ELOVL7: variants seen among roughly 807,000 people sequenced by gnomAD.
The protein encoded by ELOVL7 is very long chain fatty acid elongase 7.
A neutral mutation model predicts 35.7 loss-of-function variants in ELOVL7; 27 were observed. The observed-to-expected ratio is 0.76, with a 90% CI of 0.56 to 1.04. The LOEUF is 1.04. ELOVL7 is among the 50% of genes least tolerant of loss of function. The pLI, the probability that ELOVL7 is intolerant of heterozygous loss-of-function variation, is 0.00. For synonymous variants in ELOVL7, 113 were observed against 114.6 expected (o/e 0.99, Z 0.09); for missense variants, 327 against 340.8 (o/e 0.96, Z 0.32).
At chr5:60,762,899 T>C (rs1186916365) in intron 7 of ELOVL7, among the ~76,000 whole-genome samples, 1 of 152,142 alleles carries the variant, frequency 6.6e-6, no homozygotes, top group Non-Finnish European at 1.5e-5. Context: ...TGTTTAGGTA[T>C]TTTCCAGTTT....
intron 1 of ELOVL7, among the ~76,000 whole-genome samples, chr5:60,816,329 C>T (rs1245213869): frequency 6.6e-6 from 1 of 151,112 alleles, no homozygotes; most frequent in Non-Finnish European, 1.5e-5. Flanking sequence ...TGCAGTGAGC[C>T]GAGATTGCAT....
intron 2 of ELOVL7, among the ~76,000 whole-genome samples, chr5:60,796,227 G>T (rs555595604): frequency 6.6e-6 from 1 of 152,064 alleles, no homozygotes; most frequent in Non-Finnish European, 1.5e-5. Flanking sequence ...CCCCACTCTC[G>T]TCCCCATCCT....
At chr5:60,824,340 G>A (rs753830796) in intron 1 of ELOVL7, among the ~76,000 whole-genome samples, 20 of 152,164 alleles carry the variant, frequency 1.3e-4, no homozygotes, top group African/African-American at 3.6e-4. Flanking sequence ...TTGAAGGGAC[G>A]TGGAAGTCTC....
chr5:60,787,441 A>C lies in ELOVL7; in HGVS notation c.-34-10T>G. Reference sequence around the variant, plus strand: ...GCTCTTTTAATGGGTTCTTCAGTAAAATAAAACAGAAATGAGTTTATAATC... The same window carrying C: ...GCTCTTTTAATGGGTTCTTCAGTAACATAAAACAGAAATGAGTTTATAATC... On this transcript the variant is annotated splice_polypyrimidine_tract_variant and intron_variant, in intron 2 of 8. Coordinates refer to ENST00000508821, the MANE Select transcript of ELOVL7 (RefSeq NM_024930.3). 7.0e-7 allele frequency: 1 copy of C among 1,433,310 alleles called. No individual in the cohort carries two copies. Among genetic ancestry groups the C allele is most frequent in the Non-Finnish European group, 9.5e-7 (1 of 1,048,042 alleles). The allele number at this position is 1,433,310 out of a possible 1,614,324, so 88.8% of individuals were successfully genotyped here. A position where few individuals can be genotyped will look rare whatever the true frequency, so the allele number is the denominator to read the frequency against.
intron 7 of ELOVL7, among the ~76,000 whole-genome samples, chr5:60,761,090 G>T (rs1741882883): frequency 1.3e-5 from 2 of 151,854 alleles, no homozygotes; most frequent in Non-Finnish European, 2.9e-5. Context: ...ATCTTCTTTG[G>T]AAGGCTTTCC....
chr5:60,762,854 T>C (rs1052356301), intron 7 of ELOVL7, among the ~76,000 whole-genome samples: 3 of 152,214 alleles, frequency 2.0e-5, no homozygotes, highest in Non-Finnish European at 2.9e-5. Context: ...CACAGTCATA[T>C]AGACACAAGT....
intron 1 of ELOVL7, among the ~76,000 whole-genome samples, chr5:60,835,068 T>C (rs187385087): frequency 6.6e-6 from 1 of 151,192 alleles, no homozygotes; most frequent in Admixed American, 6.6e-5. Context: ...CACACACCCG[T>C]AGTCCCAGTT....
chr5:60,789,557 C>T (rs1743800514), intron 2 of ELOVL7, among the ~76,000 whole-genome samples: 1 of 152,136 alleles, frequency 6.6e-6, no homozygotes, highest in Non-Finnish European at 1.5e-5. Context: ...GGACAATTTG[C>T]CATTATCAGT....
intron 4 of ELOVL7, 94 bp downstream of exon 4, chr5:60,771,809 T>C (rs1383793940): frequency 1.1e-6 from 1 of 952,246 alleles, no homozygotes; most frequent in East Asian, 2.6e-5. Context: ...ATTCCTTAAA[T>C]TGCAAAGTTT....
intron 1 of ELOVL7, among the ~76,000 whole-genome samples, chr5:60,812,387 G>A (rs1389199575): frequency 6.6e-6 from 1 of 152,098 alleles, no homozygotes; most frequent in Non-Finnish European, 1.5e-5. Flanking sequence ...ATCAGAAAAT[G>A]TGTTGGAATA....
intron 1 of ELOVL7, among the ~76,000 whole-genome samples, chr5:60,837,338 GT>G: frequency 8.6e-5 from 12 of 140,082 alleles, no homozygotes; most frequent in Non-Finnish European, 1.1e-4. Context: ...GGGGGTGGGG[GT>G]GGCGCTTGTC....
intron 3 of ELOVL7, among the ~76,000 whole-genome samples, chr5:60,783,856 T>C (rs539808941): frequency 6.6e-6 from 1 of 152,190 alleles, no homozygotes. Flanking sequence ...AGGTGCTCTG[T>C]CTTCCCCAGA....
At chr5:60,799,426 G>C (rs1322908362) in intron 1 of ELOVL7, among the ~76,000 whole-genome samples, 196 bp from the exon 2 acceptor site, 1 of 151,872 alleles carries the variant, frequency 6.6e-6, no homozygotes, top group Admixed American at 6.6e-5. Flanking sequence ...CAACAAAACT[G>C]ACAAACCTTT....
chr5:60,790,471 G>T (rs1743870195), intron 2 of ELOVL7, among the ~76,000 whole-genome samples: 1 of 152,054 alleles, frequency 6.6e-6, no homozygotes, highest in Non-Finnish European at 1.5e-5. Flanking sequence ...TAGAAATTTT[G>T]TCTAAATTCT....
intron 3 of ELOVL7, among the ~76,000 whole-genome samples, chr5:60,780,037 G>C (rs142910382): frequency 6.6e-6 from 1 of 150,526 alleles, no homozygotes; most frequent in Non-Finnish European, 1.5e-5. Context: ...ACCTCAGCCT[G>C]ACCTTCATTG....
chr5:60,793,517 G>A (rs1374098127), intron 2 of ELOVL7, among the ~76,000 whole-genome samples: 2 of 152,128 alleles, frequency 1.3e-5, no homozygotes, highest in Non-Finnish European at 2.9e-5. Flanking sequence ...AAACATTAAA[G>A]TTCAAGAACT....
intron 4 of ELOVL7, among the ~76,000 whole-genome samples, chr5:60,768,206 A>T (rs1219142609): frequency 6.6e-6 from 1 of 152,234 alleles, no homozygotes; most frequent in Non-Finnish European, 1.5e-5. Flanking sequence ...TTGCTTAAAC[A>T]GCAAATACTG....
chr5:60,828,584 C>A (rs1007977103), intron 1 of ELOVL7, among the ~76,000 whole-genome samples: 1 of 151,950 alleles, frequency 6.6e-6, no homozygotes, highest in African/African-American at 2.4e-5. Flanking sequence ...TTTTTCCCTG[C>A]GCTAAGCCCA....
intron 1 of ELOVL7, among the ~76,000 whole-genome samples, chr5:60,823,989 T>C (rs1388947368): frequency 1.3e-5 from 2 of 152,212 alleles, no homozygotes; most frequent in African/African-American, 4.8e-5. Context: ...CACCACACTG[T>C]TCAGCTACCT....
Sources: allele counts gnomAD v4.1 joint callset (sites outside exome capture counted in the v4.1 genomes callset), GRCh38; gene constraint gnomAD v4.1.1; transcripts MANE v1.5; gene names NCBI Gene and HGNC (gene_info 2026-07-23, HGNC 2026-07-21).